The following DHX36 variants were observed in gnomAD, a reference collection of about 807,000 sequenced individuals.
The protein encoded by DHX36 is DEAH-box helicase 36.
In DHX36, 50 loss-of-function variants were observed where a neutral mutation model predicts 139.0. That is an observed-to-expected ratio of 0.36 (90% CI 0.29 to 0.46). The LOEUF (loss-of-function observed/expected upper bound fraction) is 0.46. DHX36 is among the 20% of genes least tolerant of loss of function. DHX36 has a pLI of 1.00. For synonymous variants in DHX36, 425 were observed against 401.9 expected, an observed-to-expected ratio of 1.06 and a Z score of -0.69; for missense variants, 1,024 against 1,211.3, an observed-to-expected ratio of 0.85 and a Z score of 2.29.
chr3:154,314,295 G>C (rs1360242613), intron 3 of DHX36, among the ~76,000 whole-genome samples: 3 of 152,136 alleles, frequency 2.0e-5, no homozygotes, highest in African/African-American at 7.2e-5. Flanking sequence ...AACAGTCAAT[G>C]GATCCTTTCT....
In DHX36 at chr3:154,280,736, T is replaced by C. The variant is rs775988489; in HGVS notation, c.2476+27A>G. On this transcript the variant is annotated intron_variant, in intron 21 of 24. Transcript: ENST00000496811. ...TACTGATACAATAGACAAAAGATAC[T>C]TATTTACACTGTGTTTCCTGCTGTA... is the stretch of plus-strand genomic sequence containing the variant. 24 of 1,606,972 alleles carry C rather than the reference T, an allele frequency of 1.5e-5. No homozygotes were observed. In the South Asian group the frequency reaches 2.2e-4, roughly 15 times the overall value.
intron 1 of DHX36, 99 bp downstream of exon 1, chr3:154,324,075 G>T: frequency 1.5e-6 from 2 of 1,305,742 alleles, no homozygotes; most frequent in Non-Finnish European, 2.1e-6. Flanking sequence ...CACAAAACAC[G>T]TGCATCACTT....
In DHX36 at chr3:154,309,707, T is replaced by C; in HGVS notation, c.759A>G (p.Lys253=). The change falls in exon 5 of 25, where the codon AAA becomes AAG. Residue 253 remains lysine (K), a synonymous_variant. Coordinates refer to ENST00000496811, the MANE Select transcript of DHX36 (RefSeq NM_020865.3). The stretch of plus-strand genomic sequence containing the variant: ...TACAAACTATTCTGCAAGCAGATCC[T>C]TTTCCTCTTTCAATGTAGTTATCCA... The part of the protein sequence containing the change: ...FILDNYIERG[K]GSACRIVCTQ... 3.1e-6 allele frequency: 5 copies of C among 1,612,896 alleles called. No individual in the cohort carries two copies. The highest frequency in any genetic ancestry group is 4.2e-6 in the Non-Finnish European group (5 of 1,179,508).
chr3:154,283,278 G>A lies in DHX36; in HGVS notation c.2293-7C>T. On this transcript the variant is annotated splice_polypyrimidine_tract_variant and splice_region_variant and intron_variant, in intron 19 of 24. Coordinates refer to ENST00000496811, the MANE Select transcript of DHX36 (RefSeq NM_020865.3). ...GCCTAGCCTCTTCCCAGCCCTATGGGGCAAAGAAATGAAGAAATCTATATT... is the reference window on the plus strand; with the variant it reads ...GCCTAGCCTCTTCCCAGCCCTATGGAGCAAAGAAATGAAGAAATCTATATT... 6.3e-7 allele frequency: 1 copy of A among 1,597,550 alleles called. No homozygotes were observed. The highest frequency in any genetic ancestry group is 8.6e-7 in the Non-Finnish European group (1 of 1,166,262).
At position 154,324,361 on chromosome 3, in the gene DHX36, C is replaced by A. The variant is rs750691599; in HGVS notation, c.56G>T (p.Gly19Val). ...TGCTGGCCCCCCTCCATAGCCCCCACCGGAGCTGCGGGGACCCCCATCACG... is the reference window on the plus strand; with the variant it reads ...TGCTGGCCCCCCTCCATAGCCCCCAACGGAGCTGCGGGGACCCCCATCACG... ...WGRDGGPRSS[G>V]GGYGGGPAGG... is the part of the protein sequence containing the mutation. Residue 19 changes from glycine (G) to valine (V), a missense_variant, in exon 1 of 25, where the codon GGT becomes GTT. Gly to Val is a moderately radical substitution (Grantham distance 109). Coordinates refer to ENST00000496811, the MANE Select transcript of DHX36 (RefSeq NM_020865.3). 1 of 1,596,514 alleles carries A rather than the reference C, an allele frequency of 6.3e-7. No individual in the cohort carries two copies. The highest frequency in any genetic ancestry group is 2.3e-5 in the East Asian group (1 of 44,392).
At position 154,304,106 on chromosome 3, in the gene DHX36, C is replaced by T. The variant is rs143482825; in HGVS notation, c.1136-696G>A. ...ATAACACCTACCCCAACTAATCTTA[C>T]ATGGTTTTCAGTATTAACTGGGATG... On this transcript the variant is annotated intron_variant, in intron 8 of 24. Transcript: ENST00000496811. Among the ~76,000 whole-genome samples the T allele has an allele frequency of 2.0e-5, 3 of 152,268 alleles. No homozygotes were observed. In the East Asian group the frequency reaches 5.8e-4, roughly 29 times the overall value.
At chr3:154,309,632 A>G (rs114520487) in intron 5 of DHX36, 21 bp downstream of exon 5, 57 of 1,561,958 alleles carry the variant, frequency 3.6e-5, no homozygotes, top group African/African-American at 2.5e-4. Flanking sequence ...ACAATTTTTA[A>G]TAAGTTAAGA....
chr3:154,318,966 C>T (rs1337684277), intron 1 of DHX36: 1 of 152,120 alleles, frequency 6.6e-6, no homozygotes, highest in Non-Finnish European at 1.5e-5. Flanking sequence ...TTACAATGAG[C>T]ATGTATGATT....
At position 154,288,910 on chromosome 3, in the gene DHX36, A is replaced by C; in HGVS notation, c.1987T>G (p.Ser663Ala). The change falls in exon 17 of 25, where the codon TCA becomes GCA. Residue 663 changes from serine (S) to alanine (A), a missense_variant. This residue lies in a region of DHX36 where 470 missense variants were observed against 616.2 expected (regional missense o/e 0.76). Transcript: ENST00000496811. The part of the protein sequence containing the change: ...YFLSRLMDPP[S>A]NEAVLLSIRH... The stretch of plus-strand genomic sequence containing the variant: ...ATGGAGAGTAACACTGCCTCATTTG[A>C]TGGTGGGTCCATTAATCTACTCAGA... The C allele has an allele frequency of 1.3e-6, 2 of 1,594,360 alleles. No homozygotes were observed. The highest frequency in any genetic ancestry group is 1.7e-6 in the Non-Finnish European group (2 of 1,169,490).
chr3:154,283,047 C>T, intron 20 of DHX36, 141 bp downstream of exon 20: 1 of 559,830 alleles, frequency 1.8e-6, no homozygotes, highest in Non-Finnish European at 3.2e-6. Flanking sequence ...AGAAAGATCC[C>T]CCATTACTTT....
intron 23 of DHX36, 30 bp downstream of exon 23, chr3:154,277,568 G>A (rs1719190334): frequency 6.4e-7 from 1 of 1,569,016 alleles, no homozygotes; most frequent in Non-Finnish European, 8.7e-7. Context: ...CTGATAATCA[G>A]ATCCTTAATT....
chr3:154,281,043 T>A (rs1719318715), intron 20 of DHX36, among the ~76,000 whole-genome samples, 181 bp from the exon 21 acceptor site: 1 of 152,172 alleles, frequency 6.6e-6, no homozygotes, highest in East Asian at 1.9e-4. Context: ...AACATTTTAT[T>A]GGAACACAGC....
intron 3 of DHX36, among the ~76,000 whole-genome samples, chr3:154,314,185 A>C (rs1032458942): frequency 5.3e-5 from 8 of 152,200 alleles, no homozygotes; most frequent in African/African-American, 1.9e-4. Context: ...CTCCATTTTC[A>C]AATCACATTT....
chr3:154,276,478 T>A, intron 24 of DHX36, 122 bp from the exon 25 acceptor site: 1 of 958,354 alleles, frequency 1.0e-6, no homozygotes, highest in Non-Finnish European at 1.5e-6. Context: ...AGCTAAAACA[T>A]TTAGTGAGCA....
At chr3:154,290,898 G>T (rs1711773435) in intron 15 of DHX36, among the ~76,000 whole-genome samples, 1 of 151,174 alleles carries the variant, frequency 6.6e-6, no homozygotes, top group African/African-American at 2.4e-5. Flanking sequence ...ACTTTGGGAG[G>T]CCGAGGCGGG....
intron 24 of DHX36, 78 bp from the exon 25 acceptor site, chr3:154,276,434 C>G: frequency 7.5e-7 from 1 of 1,331,542 alleles, no homozygotes; most frequent in Non-Finnish European, 1.0e-6. Flanking sequence ...ACTAATTTAC[C>G]TGATACAAGG....
intron 20 of DHX36, among the ~76,000 whole-genome samples, chr3:154,281,838 C>T (rs1446504323): frequency 6.6e-6 from 1 of 151,304 alleles, no homozygotes; most frequent in Non-Finnish European, 1.5e-5. Context: ...TGTGTAATTC[C>T]TAACACCATT....
At chr3:154,296,249 C>A (rs1005360205) in intron 12 of DHX36, among the ~76,000 whole-genome samples, 1 of 152,024 alleles carries the variant, frequency 6.6e-6, no homozygotes, top group Non-Finnish European at 1.5e-5. Context: ...CCGAGGCGGG[C>A]GGATCACGAG....
chr3:154,323,128 A>C (rs745531526), intron 1 of DHX36, among the ~76,000 whole-genome samples: 1 of 152,212 alleles, frequency 6.6e-6, no homozygotes, highest in Non-Finnish European at 1.5e-5. Flanking sequence ...TGAGGTCAGG[A>C]GTTCGAGACC....
Sources: gnomAD v4.1 joint callset for allele counts (sites outside exome capture counted in the v4.1 genomes callset) on GRCh38, gnomAD v4.1.1 for gene constraint, gnomAD v4.1.1 regional missense constraint, MANE v1.5 for transcripts, NCBI Gene and HGNC (gene_info 2026-07-23, HGNC 2026-07-21) for gene names.